Variants in TANC2 observed in about 807,000 individuals in gnomAD.
TANC2 encodes tetratricopeptide repeat, ankyrin repeat and coiled-coil containing 2.
Under a neutral mutation model 210.5 loss-of-function variants are expected in TANC2, and 26 were observed. The observed-to-expected ratio is 0.12, with a 90% CI of 0.09 to 0.17. The LOEUF is 0.17. TANC2 is among the 10% of genes least tolerant of loss of function. The probability of loss-of-function intolerance (pLI) is 1.00; values close to 1 mark genes in which losing one functional copy is unlikely to be tolerated. For synonymous variants in TANC2, 931 were observed against 967.1 expected (o/e 0.96, Z 0.69); for missense variants, 2,129 against 2,608.9 (o/e 0.82, Z 4.01).
chr17:63,364,232 A>G (rs2047046025), intron 14 of TANC2, among the ~76,000 whole-genome samples: 1 of 152,218 alleles, frequency 6.6e-6, no homozygotes, highest in African/African-American at 2.4e-5. Flanking sequence ...AATGTCTTTT[A>G]GCTTTACAAG....
At chr17:62,991,223 AC>A (rs1293072560) in intron 1 of TANC2, among the ~76,000 whole-genome samples, 6 of 152,178 alleles carry the variant, frequency 3.9e-5, no homozygotes, top group African/African-American at 1.2e-4. Flanking sequence ...TATTAAAAAA[AC>A]AAATGAAATG....
intron 9 of TANC2, among the ~76,000 whole-genome samples, chr17:63,298,746 CTTT>C (rs1420916067): frequency 6.6e-6 from 1 of 151,874 alleles, no homozygotes; most frequent in East Asian, 1.9e-4. Flanking sequence ...ATGAGATTTC[CTTT>C]TTTATTTATT....
At chr17:63,183,327 A>G (rs1225482082) in intron 5 of TANC2, among the ~76,000 whole-genome samples, 3 of 152,380 alleles carry the variant, frequency 2.0e-5, no homozygotes, top group Middle Eastern at 3.4e-3. Flanking sequence ...CATTGCCAGC[A>G]TGGCAGCATG....
At chr17:63,332,910 G>A (rs2045905336) in intron 11 of TANC2, among the ~76,000 whole-genome samples, 1 of 151,840 alleles carries the variant, frequency 6.6e-6, no homozygotes, top group African/African-American at 2.4e-5. Flanking sequence ...CTGGATGATA[G>A]CACATCTGTT....
intron 5 of TANC2, among the ~76,000 whole-genome samples, chr17:63,175,636 A>G (rs1405346568): frequency 6.6e-6 from 1 of 152,076 alleles, no homozygotes; most frequent in African/African-American, 2.4e-5. Flanking sequence ...AGGACATGAG[A>G]AATGTGAGTC....
chr17:63,267,996 A>G (rs1337541224), intron 9 of TANC2, 123 bp downstream of exon 9: 12 of 1,112,942 alleles, frequency 1.1e-5, no homozygotes, highest in Non-Finnish European at 1.5e-5. Context: ...GAAATGATCC[A>G]TTTTAGCATG....
At chr17:63,283,844 C>G (rs540867776) in intron 9 of TANC2, among the ~76,000 whole-genome samples, 1 of 151,860 alleles carries the variant, frequency 6.6e-6, no homozygotes, top group Non-Finnish European at 1.5e-5. Context: ...ATCCTAAAAC[C>G]TTGCTAAACT....
At chr17:63,066,486 C>T (rs550408420) in intron 2 of TANC2, among the ~76,000 whole-genome samples, 1 of 152,104 alleles carries the variant, frequency 6.6e-6, no homozygotes, top group South Asian at 2.1e-4. Context: ...GAGTGGTGAC[C>T]AGGGCACAAA....
intron 5 of TANC2, among the ~76,000 whole-genome samples, chr17:63,161,517 A>T (rs1298361327): frequency 2.0e-5 from 3 of 151,650 alleles, no homozygotes; most frequent in Non-Finnish European, 4.4e-5. Context: ...ACAGTTACTG[A>T]CTCCCTCTTC....
chr17:63,139,666 G>A (rs1310335757), intron 4 of TANC2, among the ~76,000 whole-genome samples: 1 of 152,190 alleles, frequency 6.6e-6, no homozygotes, highest in East Asian at 1.9e-4. Context: ...AGCACTTTGG[G>A]AGGCTGAGGA....
chr17:63,196,628 G>A (rs1000996865), intron 6 of TANC2, among the ~76,000 whole-genome samples: 2 of 152,192 alleles, frequency 1.3e-5, no homozygotes, highest in Admixed American at 6.5e-5. Flanking sequence ...GCAATATGGT[G>A]TAATAGAAAA....
At chr17:63,301,548 T>G (rs1329776891) in intron 9 of TANC2, among the ~76,000 whole-genome samples, 1 of 152,182 alleles carries the variant, frequency 6.6e-6, no homozygotes, top group East Asian at 1.9e-4. Flanking sequence ...TCTTCTAGAT[T>G]TTGTAGTTTA....
intron 5 of TANC2, among the ~76,000 whole-genome samples, chr17:63,183,426 A>G (rs1188044881): frequency 6.6e-6 from 1 of 152,240 alleles, no homozygotes; most frequent in East Asian, 1.9e-4. Flanking sequence ...CTAGTTTAAT[A>G]TAAATAAAGG....
chr17:63,217,752 G>A (rs974451212), intron 7 of TANC2, among the ~76,000 whole-genome samples: 11 of 152,130 alleles, frequency 7.2e-5, no homozygotes, highest in Admixed American at 1.3e-4. Flanking sequence ...GAACAAACCA[G>A]ACAAAGACAT....
chr17:63,363,461 A>C (rs541900466), intron 14 of TANC2, among the ~76,000 whole-genome samples: 10 of 152,128 alleles, frequency 6.6e-5, no homozygotes, highest in African/African-American at 2.4e-4. Flanking sequence ...AAGTTTCCCT[A>C]ATATTTTCTT....
intron 1 of TANC2, among the ~76,000 whole-genome samples, chr17:62,979,221 T>C (rs967083583): frequency 3.2e-4 from 49 of 152,342 alleles, no homozygotes; most frequent in African/African-American, 1.2e-3. Flanking sequence ...CGGTATACTT[T>C]ATCCCTTTTA....
chr17:63,023,207 C>T (rs1448852143), intron 2 of TANC2, among the ~76,000 whole-genome samples: 1 of 152,254 alleles, frequency 6.6e-6, no homozygotes, highest in African/African-American at 2.4e-5. Context: ...GTGTACAACT[C>T]TATCCTGTGA....
At chr17:63,193,838 G>A in intron 5 of TANC2, 153 bp from the exon 6 acceptor site, 1 of 700,934 alleles carries the variant, frequency 1.4e-6, no homozygotes, top group Non-Finnish European at 2.1e-6. Flanking sequence ...TTTATATTGG[G>A]AGTGAGTAGT....
intron 11 of TANC2, among the ~76,000 whole-genome samples, chr17:63,330,444 T>TA (rs897776325): frequency 3.4e-4 from 52 of 150,986 alleles, no homozygotes; most frequent in Admixed American, 2.3e-3. Flanking sequence ...GACTTTATTT[T>TA]AAAAAAAAAA....
Sources: gnomAD v4.1 joint callset for allele counts (sites outside exome capture counted in the v4.1 genomes callset) on GRCh38, gnomAD v4.1.1 for gene constraint, MANE v1.5 for transcripts, NCBI Gene and HGNC (gene_info 2026-07-23, HGNC 2026-07-21) for gene names.